Variants in TOP2B observed in about 807,000 individuals in gnomAD.
The protein encoded by TOP2B is DNA topoisomerase 2-beta.
A neutral mutation model predicts 193.5 loss-of-function variants in TOP2B; 51 were observed. The ratio of observed to expected loss-of-function variants is 0.26; its 90% CI spans 0.21 to 0.33. TOP2B has a LOEUF of 0.33. Ranked by LOEUF, TOP2B falls within the 10% of genes least tolerant of loss-of-function variation. The pLI is 1.00. For missense variants in TOP2B, 1,378 were observed against 1,909.3 expected, an observed-to-expected ratio of 0.72 and a Z score of 5.19; for synonymous variants, 634 against 635.7, an observed-to-expected ratio of 1.00 and a Z score of 0.04.
At chr3:25,610,315 C>A (rs1223998985) in intron 28 of TOP2B, among the ~76,000 whole-genome samples, 1 of 152,018 alleles carries the variant, frequency 6.6e-6, no homozygotes, top group African/African-American at 2.4e-5. Flanking sequence ...CACAGAGGCA[C>A]ACAACAAGGA....
rs1178786940 is a variant in TOP2B, at chr3:25,619,968, G to C, written c.2957C>G (p.Thr986Ser). 1 of 1,611,254 alleles carries C rather than the reference G, an allele frequency of 6.2e-7. No homozygotes were observed. The highest frequency in any genetic ancestry group is 1.3e-5 in the African/African-American group (1 of 74,934). The change falls in exon 23 of 36, where the codon ACT (threonine) becomes AGT (serine). Residue 986 changes from threonine to serine, a missense_variant. This residue lies in a region of TOP2B where 379 missense variants were observed against 615.1 expected (regional missense o/e 0.62). Transcript: ENST00000264331. ...SDYKEYHTDT[T>S]VKFVVKMTEE... is the part of the protein sequence containing the mutation. ...AGTCATTTTCACCACAAATTTCACAGTTGTGTCAGTATGATATTCTTTATA... is the reference window on the plus strand; with the variant it reads ...AGTCATTTTCACCACAAATTTCACACTTGTGTCAGTATGATATTCTTTATA...
At position 25,654,376 on chromosome 3, in the gene TOP2B, C is replaced by T. The variant is rs367775942; in HGVS notation, c.70-8906G>A. 4.0e-5 allele frequency among the ~76,000 whole-genome samples: 6 copies of T among 151,854 alleles called. No homozygotes were observed. In the East Asian group the frequency reaches 7.7e-4, roughly 20 times the overall value. On this transcript the variant is annotated intron_variant, in intron 1 of 35. Coordinates refer to ENST00000264331, the MANE Select transcript of TOP2B (RefSeq NM_001330700.2). Reference sequence around the variant, plus strand: ...ATAAACTACCACAGAGTAAACTTAACCAAAGAGGTGAGAATAATGTCAAAA... The same window carrying T: ...ATAAACTACCACAGAGTAAACTTAATCAAAGAGGTGAGAATAATGTCAAAA...
At chr3:25,630,975 G>A (rs1047825905) in intron 10 of TOP2B, 36 bp from the exon 11 acceptor site, 1 of 1,532,536 alleles carries the variant, frequency 6.5e-7, no homozygotes, top group Non-Finnish European at 8.7e-7. Flanking sequence ...CAAACAAGCT[G>A]AAAATTCATA....
intron 11 of TOP2B, 146 bp from the exon 12 acceptor site, chr3:25,630,615 T>C (rs1702927835): frequency 1.2e-6 from 1 of 832,958 alleles, no homozygotes; most frequent in Non-Finnish European, 1.8e-6. Context: ...AAATATTAAG[T>C]ATATTTTATT....
intron 25 of TOP2B, chr3:25,615,889 C>T (rs2125359104): frequency 5.0e-6 from 1 of 199,324 alleles, no homozygotes; most frequent in African/African-American, 2.3e-5. Flanking sequence ...GAGGATACCA[C>T]ATTTTAAAGT....
intron 1 of TOP2B, among the ~76,000 whole-genome samples, chr3:25,655,508 TGATCCAGCA>T (rs1308270254): frequency 1.7e-4 from 26 of 152,322 alleles, no homozygotes; most frequent in Admixed American, 1.7e-3. Context: ...AATTACTATA[TGATCCAGCA>T]ATCCCACTTT....
chr3:25,641,050 A>AG (rs1703247532), intron 4 of TOP2B, among the ~76,000 whole-genome samples: 2 of 152,106 alleles, frequency 1.3e-5, no homozygotes, highest in Non-Finnish European at 2.9e-5. Flanking sequence ...CCAAAGTGCC[A>AG]GGAATACAGG....
chr3:25,620,074 T>A lies in TOP2B; in HGVS notation c.2863-12A>T, dbSNP rs966797202. Reference sequence around the variant, plus strand: ...TGTTCTTTATATACCTATAAAGATTTAAAAATTAGTGATTCTTTTCATGAC... The same window carrying A: ...TGTTCTTTATATACCTATAAAGATTAAAAAATTAGTGATTCTTTTCATGAC... On this transcript the variant is annotated splice_polypyrimidine_tract_variant and intron_variant, in intron 22 of 35. Transcript: ENST00000264331. 10 of 1,422,474 alleles carry A rather than the reference T, an allele frequency of 7.0e-6. No homozygotes were observed. Among genetic ancestry groups the A allele is most frequent in the Non-Finnish European group, 9.6e-6 (10 of 1,040,506 alleles). The allele number at this position is 1,422,474 out of a possible 1,614,324, so 88.1% of individuals were successfully genotyped here.
At chr3:25,646,695 A>G (rs1037215203) in intron 1 of TOP2B, among the ~76,000 whole-genome samples, 2 of 152,222 alleles carry the variant, frequency 1.3e-5, no homozygotes. Context: ...TAGGAGATAC[A>G]GAGATTTTGT....
In TOP2B at chr3:25,664,889, G is replaced by C. The variant is rs1332123459; in HGVS notation, c.-592C>G. 1.0e-6 allele frequency: 1 copy of C among 990,222 alleles called. No individual in the cohort carries two copies. 61.3% of individuals were successfully genotyped at this position (990,222 alleles called of 1,614,324 possible). ...CGCCACGGTCACCTCCCTCTTGTCC[G>C]GCATAACACCGCACACACACATTTG... On this transcript the variant is annotated 5_prime_UTR_variant, in exon 1 of 36. Coordinates refer to ENST00000264331, the MANE Select transcript of TOP2B (RefSeq NM_001330700.2).
At position 25,629,092 on chromosome 3, in the gene TOP2B, A is replaced by G. The variant is rs1265530490; in HGVS notation, c.1743T>C (p.Asn581=). The G allele has an allele frequency of 6.2e-6, 10 of 1,605,554 alleles. No individual in the cohort carries two copies. Among genetic ancestry groups the G allele is most frequent in the Middle Eastern group, 3.3e-4 (2 of 6,036 alleles). ...KGLLINFIHH[N]WPSLLKHGFL... ...AACCATGCTTCAAAAGTGATGGCCA[A>G]TTGTGATGGATGAAATTAATAAGCA... Residue 581 remains asparagine (N), a synonymous_variant, in exon 14 of 36, where the codon AAT becomes AAC. Coordinates refer to ENST00000264331, the MANE Select transcript of TOP2B (RefSeq NM_001330700.2).
At chr3:25,599,597 A>G (rs41285071) in intron 34 of TOP2B, 68 bp from the exon 35 acceptor site, 32,427 of 1,413,234 alleles carry the variant, frequency 0.023, 442 homozygotes, top group Non-Finnish European at 0.026. Flanking sequence ...ATGCCACAAC[A>G]TTGTAGTTTA....
At chr3:25,610,977 A>G (rs375424731) in intron 28 of TOP2B, among the ~76,000 whole-genome samples, 3 of 152,226 alleles carry the variant, frequency 2.0e-5, no homozygotes, top group East Asian at 1.9e-4. Flanking sequence ...TTTTTGGCTT[A>G]TATCATTGAT....
Position 25,598,387 on chromosome 3 carries a change from C to T in TOP2B, c.4801G>A (p.Gly1601Ser), listed in dbSNP as rs752568171. 1.4e-5 allele frequency: 22 copies of T among 1,613,380 alleles called. No individual in the cohort carries two copies. In the Admixed American group the frequency reaches 1.8e-4, roughly 13 times the overall value. Reference sequence around the variant, plus strand: ...TATTTTACTTCTTTCCTAGCCCGACCGGTTCGTGGCAGAGAAGGTGGCTCA... The same window carrying T: ...TATTTTACTTCTTTCCTAGCCCGACTGGTTCGTGGCAGAGAAGGTGGCTCA... Reference protein sequence around the residue: ...PTEPPSLPRTGRARKEVKYFA... With the variant: ...PTEPPSLPRTSRARKEVKYFA... Residue 1601 changes from glycine to serine, a missense_variant, in exon 36 of 36, where the codon GGT becomes AGT. Physicochemically the swap from Gly to Ser is moderately conservative, Grantham distance 56. Coordinates refer to ENST00000264331, the MANE Select transcript of TOP2B (RefSeq NM_001330700.2).
In TOP2B at chr3:25,630,386, T is replaced by A. The variant is rs1187294492; in HGVS notation, c.1489A>T (p.Ile497Phe). The A allele has an allele frequency of 6.4e-7, 1 of 1,551,592 alleles. No homozygotes were observed. The highest frequency in any genetic ancestry group is 8.7e-7 in the Non-Finnish European group (1 of 1,146,886). ...KSLAVSGLGV[I>F]GRDRYGVFPL... ...AAAACTCCGTATCTGTCTCGTCCAA[T>A]CACACCTAATCCAGACACAGCCAGT... is the stretch of plus-strand genomic sequence containing the variant. The change falls in exon 12 of 36, where the codon ATT becomes TTT. Residue 497 changes from isoleucine to phenylalanine, a missense_variant. This residue lies in a region of TOP2B where 66 missense variants were observed against 153.3 expected (regional missense o/e 0.43). Coordinates refer to ENST00000264331, the MANE Select transcript of TOP2B (RefSeq NM_001330700.2).
intron 10 of TOP2B, among the ~76,000 whole-genome samples, chr3:25,632,152 T>A (rs527504796): frequency 2.0e-5 from 3 of 152,122 alleles, no homozygotes; most frequent in Non-Finnish European, 4.4e-5. Flanking sequence ...AAGAGTTGCA[T>A]AAGGATCTGG....
chr3:25,620,026 C>T lies in TOP2B; in HGVS notation c.2899G>A (p.Gly967Arg). 3 of 1,569,664 alleles carry T rather than the reference C, an allele frequency of 1.9e-6. No homozygotes were observed. The highest frequency in any genetic ancestry group is 2.6e-6 in the Non-Finnish European group (3 of 1,151,758). ...ATTAATGCTGGTGTTTTATCTGTTC[C>T]ATTTAGCATAGGTTCTAAAACCTGT... ...KEQVLEPMLNGTDKTPALISD... is the reference protein window; with the variant it reads ...KEQVLEPMLNRTDKTPALISD... The change falls in exon 23 of 36, where the codon GGA (glycine) becomes AGA (arginine). Residue 967 changes from glycine to arginine, a missense_variant. By Grantham distance (125) the Gly-to-Arg change is moderately radical. Around this residue, in one of 9 missense-constraint regions of TOP2B, gnomAD observed 379 missense variants for 615.1 expected, o/e 0.62. Transcript: ENST00000264331.
intron 32 of TOP2B, 60 bp from the exon 33 acceptor site, chr3:25,604,930 T>C: frequency 7.8e-7 from 1 of 1,277,156 alleles, no homozygotes; most frequent in Non-Finnish European, 1.1e-6. Flanking sequence ...TCAGTAAACT[T>C]TGACTCTTTT....
chr3:25,626,509 T>C, intron 18 of TOP2B, 51 bp downstream of exon 18: 1 of 1,057,182 alleles, frequency 9.5e-7, no homozygotes, highest in Non-Finnish European at 1.3e-6. Context: ...GTACATGAAA[T>C]TAAACTATAG....
Sources: gnomAD v4.1 joint callset for allele counts (sites outside exome capture counted in the v4.1 genomes callset) on GRCh38, gnomAD v4.1.1 for gene constraint, gnomAD v4.1.1 regional missense constraint, MANE v1.5 for transcripts, NCBI Gene and HGNC (gene_info 2026-07-23, HGNC 2026-07-21) for gene names.